Variants in NFIA observed in about 807,000 individuals in gnomAD.
The protein encoded by NFIA is nuclear factor 1 A-type.
A neutral mutation model predicts 62.8 loss-of-function variants in NFIA; 8 were observed. The observed-to-expected ratio is 0.13, with a 90% CI of 0.07 to 0.23. The LOEUF is 0.23. Among genes scored for constraint, NFIA ranks in the 10% least tolerant of loss-of-function variants. The pLI is 1.00. For missense variants in NFIA, 410 were observed against 642.1 expected (o/e 0.64, Z 3.91); for synonymous variants, 235 against 238.1 (o/e 0.99, Z 0.12).
At chr1:61,273,501 T>G (rs1310022888) in intron 2 of NFIA, among the ~76,000 whole-genome samples, 1 of 152,202 alleles carries the variant, frequency 6.6e-6, no homozygotes, top group Non-Finnish European at 1.5e-5. Flanking sequence ...CTTTCTCATC[T>G]TAGAAGTCCC....
chr1:61,379,789 G>A (rs968286522), intron 6 of NFIA, among the ~76,000 whole-genome samples: 3 of 152,192 alleles, frequency 2.0e-5, no homozygotes, highest in African/African-American at 7.2e-5. Context: ...CTGGCCTGAA[G>A]CAATCCTCCT....
At chr1:61,146,982 A>C (rs1279277730) in intron 2 of NFIA, among the ~76,000 whole-genome samples, 3 of 152,134 alleles carry the variant, frequency 2.0e-5, no homozygotes, top group African/African-American at 7.2e-5. Context: ...TTGTTAGGAC[A>C]CCTGACAGAG....
chr1:61,206,607 T>C (rs1318384399), intron 2 of NFIA, among the ~76,000 whole-genome samples: 2 of 152,218 alleles, frequency 1.3e-5, no homozygotes, highest in African/African-American at 4.8e-5. Flanking sequence ...CTCAGACACA[T>C]ATTGCCTTCT....
At chr1:61,333,968 C>T (rs938439418) in intron 4 of NFIA, among the ~76,000 whole-genome samples, 9 of 152,198 alleles carry the variant, frequency 5.9e-5, no homozygotes, top group African/African-American at 2.2e-4. Context: ...CTACCACACT[C>T]CAGCCTGGGC....
At chr1:61,129,824 C>T (rs1043113131) in intron 2 of NFIA, among the ~76,000 whole-genome samples, 2 of 152,098 alleles carry the variant, frequency 1.3e-5, no homozygotes, top group African/African-American at 4.8e-5. Flanking sequence ...CCAAAGGGAA[C>T]TTTAGAGATA....
At chr1:61,347,272 C>T (rs1662284512) in intron 4 of NFIA, among the ~76,000 whole-genome samples, 1 of 143,900 alleles carries the variant, frequency 6.9e-6, no homozygotes, top group Non-Finnish European at 1.5e-5. Flanking sequence ...CTCCTGGGTT[C>T]ACACCATTCT....
At chr1:61,415,301 G>A (rs1005298317) in intron 9 of NFIA, among the ~76,000 whole-genome samples, 4 of 152,022 alleles carry the variant, frequency 2.6e-5, no homozygotes, top group African/African-American at 9.7e-5. Flanking sequence ...TATACTATTG[G>A]AGTAAAGAAG....
intron 2 of NFIA, among the ~76,000 whole-genome samples, chr1:61,270,806 TC>T (rs1479109652): frequency 6.6e-6 from 1 of 152,192 alleles, no homozygotes; most frequent in Non-Finnish European, 1.5e-5. Flanking sequence ...GGGTAGGTGA[TC>T]GGGTAGACTC....
intron 7 of NFIA, among the ~76,000 whole-genome samples, chr1:61,387,478 T>TCGTTTTG (rs1553180854): frequency 7.0e-6 from 1 of 142,810 alleles, no homozygotes; most frequent in Non-Finnish European, 1.5e-5. Context: ...CTTTTTTTTT[T>TCGTTTTG]TTTTTTTTTT....
intron 2 of NFIA, among the ~76,000 whole-genome samples, chr1:61,098,063 A>G (rs754988033): frequency 6.6e-6 from 1 of 152,216 alleles, no homozygotes; most frequent in Non-Finnish European, 1.5e-5. Flanking sequence ...AGAGCTTACT[A>G]TAGAATAAGT....
intron 5 of NFIA, among the ~76,000 whole-genome samples, chr1:61,357,099 C>G (rs1662995937): frequency 6.6e-6 from 1 of 152,218 alleles, no homozygotes; most frequent in South Asian, 2.1e-4. Flanking sequence ...TAACCTCCAC[C>G]CTTCTCACTC....
At chr1:61,396,163 G>A (rs1429508089) in intron 7 of NFIA, among the ~76,000 whole-genome samples, 2 of 152,160 alleles carry the variant, frequency 1.3e-5, no homozygotes, top group Admixed American at 6.5e-5. Flanking sequence ...TAAAACCCAA[G>A]TCTCTTTATC....
At chr1:61,150,793 T>C (rs983602771) in intron 2 of NFIA, among the ~76,000 whole-genome samples, 17 of 152,066 alleles carry the variant, frequency 1.1e-4, no homozygotes, top group African/African-American at 4.1e-4. Context: ...ACAGTTAGAC[T>C]AGAAGGATGG....
intron 2 of NFIA, among the ~76,000 whole-genome samples, chr1:61,192,159 C>T (rs114949859): frequency 0.053 from 8,002 of 151,996 alleles, 302 homozygotes; most frequent in Non-Finnish European, 0.077. Flanking sequence ...GGGATTTCAC[C>T]GTGTTAGCCA....
chr1:61,099,683 A>G (rs568441536), intron 2 of NFIA, among the ~76,000 whole-genome samples: 9 of 152,308 alleles, frequency 5.9e-5, no homozygotes, highest in Admixed American at 1.3e-4. Context: ...TATTTGGGAA[A>G]TAGACGTTCA....
intron 7 of NFIA, among the ~76,000 whole-genome samples, chr1:61,396,048 G>A (rs970475282): frequency 1.3e-5 from 2 of 152,186 alleles, no homozygotes; most frequent in African/African-American, 4.8e-5. Context: ...AACTAGATGA[G>A]CTTCAGAGAG....
At chr1:61,182,155 G>A (rs1484642469) in intron 2 of NFIA, among the ~76,000 whole-genome samples, 4 of 151,888 alleles carry the variant, frequency 2.6e-5, no homozygotes, top group Non-Finnish European at 4.4e-5. Context: ...TTGTTTTGAC[G>A]GTTCATACTG....
At chr1:61,272,637 AT>A (rs1657582712) in intron 2 of NFIA, among the ~76,000 whole-genome samples, 1 of 152,188 alleles carries the variant, frequency 6.6e-6, no homozygotes. Context: ...ACTTATCTAA[AT>A]TTTGAACATC....
chr1:61,300,776 C>T (rs1408919118), intron 3 of NFIA, among the ~76,000 whole-genome samples: 1 of 151,338 alleles, frequency 6.6e-6, no homozygotes, highest in East Asian at 1.9e-4. Flanking sequence ...ATATATGTAC[C>T]TATACACATA....
Sources: gnomAD v4.1 joint callset for allele counts (sites outside exome capture counted in the v4.1 genomes callset) on GRCh38, gnomAD v4.1.1 for gene constraint, MANE v1.5 for transcripts, NCBI Gene and HGNC (gene_info 2026-07-23, HGNC 2026-07-21) for gene names.